ANPEP: variants seen among roughly 807,000 people sequenced by gnomAD.
ANPEP encodes alanyl aminopeptidase, membrane.
ANPEP carries 70 observed loss-of-function variants against 114.6 expected under a neutral mutation model. The ratio of observed to expected loss-of-function variants is 0.61; its 90% CI spans 0.50 to 0.75. The LOEUF (loss-of-function observed/expected upper bound fraction) is 0.75, where lower values mean the gene tolerates loss of function less well. Among genes scored for constraint, ANPEP ranks in the 30% least tolerant of loss-of-function variants. The pLI is 0.00. For missense variants in ANPEP, 1,184 were observed against 1,259.5 expected (o/e 0.94, Z 0.91); for synonymous variants, 548 against 522.3 (o/e 1.05, Z -0.67).
chr15:89,806,016 G>C lies in ANPEP; in HGVS notation c.568C>G (p.Leu190Val). 6.2e-7 allele frequency: 1 copy of C among 1,609,186 alleles called. No individual in the cohort carries two copies. The highest frequency in any genetic ancestry group is 2.2e-5 in the East Asian group (1 of 44,750). The change falls in exon 2 of 21, where the codon CTG becomes GTG. Residue 190 changes from leucine (L) to valine (V), a missense_variant. By Grantham distance (32) the Leu-to-Val change is conservative (BLOSUM62 1). Transcript: ENST00000300060. This position sits in a 1 kb window ranked among gnomAD's most constrained non-coding sequence, Gnocchi z 5.7. The stretch of plus-strand genomic sequence containing the variant: ...TACTCGCTGCGGTAGAAGCCCGCCA[G>C]GTCATCTGCCAACTCCCCCTCGAAC... ...SEFEGELADD[L>V]AGFYRSEYME...
chr15:89,786,151 C>A (rs997716688), intron 20 of ANPEP, among the ~76,000 whole-genome samples: 1 of 152,112 alleles, frequency 6.6e-6, no homozygotes, highest in Admixed American at 6.5e-5. Context: ...AAAACAATTC[C>A]ATTTACGATA....
rs764320169 is a variant in ANPEP at position 89,803,760 on chromosome 15, G to A, written c.1324C>T (p.Arg442Cys). 1.7e-5 allele frequency: 27 copies of A among 1,609,120 alleles called. No individual in the cohort carries two copies. The highest frequency in any genetic ancestry group is 5.5e-5 in the South Asian group (5 of 90,748). The change falls in exon 8 of 21, where the codon CGC becomes TGC. Residue 442 changes from arginine to cysteine, a missense_variant. Transcript: ENST00000300060. The surrounding 1 kb of genome is among the most constrained non-coding windows in gnomAD (Gnocchi z 4.2). ...KDLMVLNDVY[R>C]VMAVDALASS... ...GCCAGTGCATCCACTGCCATCACGC[G>A]GTACACATCATTCAGCACCATGAGG...
chr15:89,807,576 T>C (rs559802011), intron 1 of ANPEP, among the ~76,000 whole-genome samples: 8 of 152,134 alleles, frequency 5.3e-5, no homozygotes, highest in Admixed American at 4.6e-4. Flanking sequence ...GTGGCGGGCG[T>C]CTGTAATCCC....
chr15:89,803,306 T>A lies in ANPEP; in HGVS notation c.1504-2A>T. On this transcript the variant is annotated splice_acceptor_variant, in intron 9 of 20. Coordinates refer to ENST00000300060, the MANE Select transcript of ANPEP (RefSeq NM_001150.3). LOFTEE classifies it high-confidence loss of function. This position sits in a 1 kb window ranked among gnomAD's most constrained non-coding sequence, Gnocchi z 4.2. ...GTAGGCAAAGGTGTGGAGGTAGGACTGTGGAAAGACGGGGCACAGTGAGAG... is the reference window on the plus strand; with the variant it reads ...GTAGGCAAAGGTGTGGAGGTAGGACAGTGGAAAGACGGGGCACAGTGAGAG... The A allele has an allele frequency of 6.2e-7, 1 of 1,614,066 alleles. No homozygotes were observed. The highest frequency in any genetic ancestry group is 2.2e-5 in the East Asian group (1 of 44,874).
Position 89,803,803 on chromosome 15 carries a change from C to T in ANPEP, c.1294-13G>A, listed in dbSNP as rs1366811918. The T allele has an allele frequency of 6.2e-7, 1 of 1,609,020 alleles. No individual in the cohort carries two copies. The highest frequency in any genetic ancestry group is 1.7e-5 in the Admixed American group (1 of 59,860). ...CCATGAGGTCTTTCTGCAAATTCCC[C>T]AGGGCCATCAGGAGACTGGCCTGGT... On this transcript the variant is annotated splice_polypyrimidine_tract_variant and intron_variant, in intron 7 of 20. Transcript: ENST00000300060. This position sits in a 1 kb window ranked among gnomAD's most constrained non-coding sequence, Gnocchi z 4.2.
chr15:89,813,650 G>C (rs1489831248), intron 1 of ANPEP, among the ~76,000 whole-genome samples: 2 of 152,122 alleles, frequency 1.3e-5, no homozygotes, highest in Non-Finnish European at 2.9e-5. Flanking sequence ...ACTGGGGCTA[G>C]CCAGCCTTCC....
rs1968696322 is a variant in ANPEP at position 89,794,720 on chromosome 15, G to A, written c.2158-1594C>T. 3.3e-5 allele frequency among the ~76,000 whole-genome samples: 5 copies of A among 152,138 alleles called. No individual in the cohort carries two copies. The South Asian group carries it at 8.3e-4, about 25-fold the overall frequency. On this transcript the variant is annotated intron_variant, in intron 15 of 20. Transcript: ENST00000300060. ...GTCACCAGACCACAGTGGGAGGGTT[G>A]CTGGATTGCAAAGAGGGTCAGAGGT...
chr15:89,800,556 CTTT>C (rs759889538), intron 12 of ANPEP, among the ~76,000 whole-genome samples: 16 of 124,354 alleles, frequency 1.3e-4, no homozygotes, highest in African/African-American at 4.5e-4. Flanking sequence ...GGATTCTCTC[CTTT>C]TTTTTTTTTT....
At chr15:89,801,667 G>A in intron 10 of ANPEP, 60 bp from the exon 11 acceptor site, 3 of 1,576,312 alleles carry the variant, frequency 1.9e-6, no homozygotes, top group South Asian at 1.1e-5. Context: ...TGCCATCCAG[G>A]GCATCTCCTG....
chr15:89,801,361 T>C (rs890262052), intron 11 of ANPEP, 74 bp downstream of exon 11: 24 of 1,576,246 alleles, frequency 1.5e-5, no homozygotes, highest in Non-Finnish European at 2.1e-5. Flanking sequence ...AGGAGGCCAG[T>C]CCTACTATGG....
chr15:89,785,225 A>G lies in ANPEP; in HGVS notation c.*124T>C. On this transcript the variant is annotated 3_prime_UTR_variant, in exon 21 of 21. Coordinates refer to ENST00000300060, the MANE Select transcript of ANPEP (RefSeq NM_001150.3). The stretch of plus-strand genomic sequence containing the variant: ...CAGGCAGAGAGAACGTGGGCTGGAG[A>G]CTTTGTCCTTGAGGGGAGGACACTG... 1 of 1,286,654 alleles carries G rather than the reference A, an allele frequency of 7.8e-7. No homozygotes were observed. Among genetic ancestry groups the G allele is most frequent in the Non-Finnish European group, 1.1e-6 (1 of 917,894 alleles). The allele number at this position is 1,286,654 out of a possible 1,614,324, so 79.7% of individuals were successfully genotyped here.
rs1298047071 is a variant in ANPEP, at chr15:89,790,456, T to C, written c.2751+4A>G. On this transcript the variant is annotated splice_donor_region_variant and intron_variant, in intron 20 of 20. Coordinates refer to ENST00000300060, the MANE Select transcript of ANPEP (RefSeq NM_001150.3). ...GAGCCCAGGTCTGGGGAATGACTTC[T>C]TACCTGCTGCAGCTCATACTCGGTG... is the stretch of plus-strand genomic sequence containing the variant. The C allele has an allele frequency of 1.2e-6, 2 of 1,613,458 alleles. No individual in the cohort carries two copies. The highest frequency in any genetic ancestry group is 1.7e-6 in the Non-Finnish European group (2 of 1,179,470).
At chr15:89,814,184 G>A (rs368345335) in intron 1 of ANPEP, among the ~76,000 whole-genome samples, 13 of 152,206 alleles carry the variant, frequency 8.5e-5, no homozygotes, top group Non-Finnish European at 1.3e-4. Flanking sequence ...CATCTTGGCC[G>A]GGTTGTAGGA....
In ANPEP at chr15:89,805,311, G is replaced by T. The variant is rs761468534; in HGVS notation, c.757+10C>A. ...CCCTGGCCCTGTGGCCGCAGGCAGG[G>T]CCCACTCACCTTTGGGAAGCATGTT... On this transcript the variant is annotated intron_variant, in intron 3 of 20. Transcript: ENST00000300060. 1 of 1,613,426 alleles carries T rather than the reference G, an allele frequency of 6.2e-7. No individual in the cohort carries two copies. The highest frequency in any genetic ancestry group is 1.7e-5 in the Admixed American group (1 of 59,936).
chr15:89,805,961 G>A lies in ANPEP; in HGVS notation c.614+9C>T, dbSNP rs186780547. 3,395 of 1,575,712 alleles carry A rather than the reference G, an allele frequency of 2.2e-3. 11 individuals carry two copies. The highest frequency in any genetic ancestry group is 3.0e-3 in the Admixed American group (175 of 58,256). On this transcript the variant is annotated intron_variant, in intron 2 of 20. Coordinates refer to ENST00000300060, the MANE Select transcript of ANPEP (RefSeq NM_001150.3). ...ATCCACCCCACCGGGCAGCCCAGCC[G>A]GAACTCACTTTCTGACATTGCCCTC...
chr15:89,785,289 G>C lies in ANPEP; in HGVS notation c.*60C>G. 1.9e-6 allele frequency: 3 copies of C among 1,600,100 alleles called. No individual in the cohort carries two copies. The highest frequency in any genetic ancestry group is 1.3e-5 in the African/African-American group (1 of 74,736). Reference sequence around the variant, plus strand: ...CAGGAATGGAGGCCCTGCACCAGCCGCTGGGATGGACACATGTGGGCACCT... The same window carrying C: ...CAGGAATGGAGGCCCTGCACCAGCCCCTGGGATGGACACATGTGGGCACCT... On this transcript the variant is annotated 3_prime_UTR_variant, in exon 21 of 21. Coordinates refer to ENST00000300060, the MANE Select transcript of ANPEP (RefSeq NM_001150.3).
intron 18 of ANPEP, among the ~76,000 whole-genome samples, chr15:89,791,693 T>A (rs566211231): frequency 2.6e-5 from 4 of 151,650 alleles, no homozygotes; most frequent in Admixed American, 6.6e-5. Context: ...CCTCAGGTGA[T>A]CCATCCACCT....
chr15:89,791,096 A>C lies in ANPEP; in HGVS notation c.2529-3T>G. On this transcript the variant is annotated splice_polypyrimidine_tract_variant and splice_region_variant and intron_variant, in intron 18 of 20. Transcript: ENST00000300060. ...GGTTCAGGGTGTAGCTCAGGTACCTAAGAGGGCCAGATGCTGTCTCAGCTA... is the reference window on the plus strand; with the variant it reads ...GGTTCAGGGTGTAGCTCAGGTACCTCAGAGGGCCAGATGCTGTCTCAGCTA... The C allele has an allele frequency of 2.5e-6, 4 of 1,613,948 alleles. No individual in the cohort carries two copies. The highest frequency in any genetic ancestry group is 3.4e-6 in the Non-Finnish European group (4 of 1,179,864).
intron 20 of ANPEP, among the ~76,000 whole-genome samples, chr15:89,789,704 C>A (rs1968578538): frequency 6.9e-6 from 1 of 145,978 alleles, no homozygotes; most frequent in Admixed American, 7.0e-5. Flanking sequence ...ACCCCAGAGG[C>A]AGAGGTTGCA....
Sources: gnomAD v4.1 joint callset for allele counts (sites outside exome capture counted in the v4.1 genomes callset) on GRCh38, gnomAD v4.1.1 for gene constraint, Gnocchi (gnomAD v3.1) non-coding constraint, MANE v1.5 for transcripts, NCBI Gene and HGNC (gene_info 2026-07-23, HGNC 2026-07-21) for gene names.